The following SLC2A9 variants were observed in gnomAD, a reference collection of about 807,000 sequenced individuals.
The protein encoded by SLC2A9 is solute carrier family 2 member 9, also known as solute carrier family 2, facilitated glucose transporter member 9.
SLC2A9 carries 39 observed loss-of-function variants against 50.6 expected under a neutral mutation model. The observed-to-expected ratio is 0.77, with a 90% CI of 0.60 to 1.01. The LOEUF (loss-of-function observed/expected upper bound fraction) is 1.01, where lower values mean the gene tolerates loss of function less well. Ranked by LOEUF, SLC2A9 falls within the 50% of genes least tolerant of loss-of-function variation. The pLI, the probability that SLC2A9 is intolerant of heterozygous loss-of-function variation, is 0.00. For synonymous variants in SLC2A9, 324 were observed against 276.9 expected (o/e 1.17, Z -1.69); for missense variants, 686 against 677.6 (o/e 1.01, Z -0.14).
Position 9,986,451 on chromosome 4 carries a change from T to C in SLC2A9, c.411-658A>G, listed in dbSNP as rs74376712. 3.9e-5 allele frequency among the ~76,000 whole-genome samples: 6 copies of C among 152,282 alleles called. No homozygotes were observed. In the South Asian group the frequency reaches 6.2e-4, roughly 16 times the overall value. On this transcript the variant is annotated intron_variant, in intron 3 of 11. Coordinates refer to ENST00000264784, the MANE Select transcript of SLC2A9 (RefSeq NM_020041.3). ...AGCTAGTCTTTTCTCTCTCCTCTAG[T>C]GCCCCTATTGGCAAAGGACAAATGG...
chr4:9,975,543 C>T (rs1420867228), intron 5 of SLC2A9, among the ~76,000 whole-genome samples: 1 of 152,138 alleles, frequency 6.6e-6, no homozygotes, highest in African/African-American at 2.4e-5. Context: ...CAATCCAAAC[C>T]ACAATGAGAT....
intron 5 of SLC2A9, among the ~76,000 whole-genome samples, chr4:9,956,861 A>G (rs371648822): frequency 1.2e-4 from 18 of 152,336 alleles, no homozygotes; most frequent in African/African-American, 4.1e-4. Flanking sequence ...AAAGGTATTA[A>G]CCACAAGGAC....
intron 1 of SLC2A9, chr4:10,035,770 T>TTTG (rs1764085119): frequency 6.6e-6 from 1 of 152,182 alleles, no homozygotes; most frequent in Admixed American, 6.6e-5. Context: ...AAGGCATTTC[T>TTTG]TTTGTTTGTT....
intron 10 of SLC2A9, among the ~76,000 whole-genome samples, chr4:9,859,967 T>G (rs1045154526): frequency 6.6e-6 from 1 of 152,120 alleles, no homozygotes; most frequent in African/African-American, 2.4e-5. Context: ...CTCCTGAGGG[T>G]GTGGAGAGCA....
intron 6 of SLC2A9, among the ~76,000 whole-genome samples, chr4:9,936,230 G>A (rs1283058693): frequency 6.6e-6 from 1 of 152,188 alleles, no homozygotes; most frequent in East Asian, 1.9e-4. Flanking sequence ...CAGGATTCAT[G>A]CCTTTATAAA....
At chr4:9,819,744 G>C (rs571584716) in intron 3 of SLC2A9, among the ~76,000 whole-genome samples, 1 of 152,340 alleles carries the variant, frequency 6.6e-6, no homozygotes, top group East Asian at 1.9e-4. Context: ...GACCAGCCTG[G>C]CTAACATGGT....
chr4:9,844,352 A>G (rs1728609296), intron 10 of SLC2A9, among the ~76,000 whole-genome samples: 1 of 152,088 alleles, frequency 6.6e-6, no homozygotes, highest in Non-Finnish European at 1.5e-5. Context: ...TGATTAATTG[A>G]GTATTCTATG....
At chr4:10,008,899 G>GTT (rs1761260084) in intron 2 of SLC2A9, among the ~76,000 whole-genome samples, 1 of 134,782 alleles carries the variant, frequency 7.4e-6, no homozygotes, top group Non-Finnish European at 1.6e-5. Flanking sequence ...TCTGTGCGGT[G>GTT]GTTTTTTTTT....
rs745901421 is a variant in SLC2A9 at position 9,782,583 on chromosome 4, C to T, written n.386-2518G>A. ...CAGCTCAACTGGCACAGGGACCAGG[C>T]GGCCTCTTGGGGCGGGCTGGACCTG... On this transcript the variant is annotated intron_variant and non_coding_transcript_variant, in intron 3 of 3. Coordinates refer to the SLC2A9 transcript ENST00000503803. 3.7e-6 allele frequency: 6 copies of T among 1,613,940 alleles called. No individual in the cohort carries two copies. Among genetic ancestry groups the T allele is most frequent in the Admixed American group, 3.3e-5 (2 of 60,030 alleles).
In SLC2A9 at chr4:9,885,431, C is replaced by A. The variant is rs1736020482; in HGVS notation, c.1291+2136G>T. Among the ~76,000 whole-genome samples, 3 of 152,302 alleles carry A rather than the reference C, an allele frequency of 2.0e-5. No individual in the cohort carries two copies. The South Asian group carries it at 6.2e-4, about 32-fold the overall frequency. On this transcript the variant is annotated intron_variant, in intron 10 of 11. Transcript: ENST00000264784. ...CATATTTTTCTGATATCATTAAGCC[C>A]CAGCTGCCTCTTCCCTGGAGCTCAG...
At chr4:9,943,387 T>C (rs558427212) in intron 5 of SLC2A9, among the ~76,000 whole-genome samples, 1 of 152,312 alleles carries the variant, frequency 6.6e-6, no homozygotes, top group East Asian at 1.9e-4. Context: ...AGCCCTTCCA[T>C]CGCCCTTTGA....
At chr4:9,926,141 G>A (rs559379982) in intron 6 of SLC2A9, among the ~76,000 whole-genome samples, 3 of 152,216 alleles carry the variant, frequency 2.0e-5, no homozygotes, top group Admixed American at 6.5e-5. Context: ...AGTGCCCCCT[G>A]AGCAAGAGCC....
At position 9,926,935 on chromosome 4, in the gene SLC2A9, C is replaced by T. The variant is rs547451189; in HGVS notation, c.815-6363G>A. Among the ~76,000 whole-genome samples, 14 of 152,022 alleles carry T rather than the reference C, an allele frequency of 9.2e-5. No homozygotes were observed. In the South Asian group the frequency reaches 2.9e-3, roughly 32 times the overall value. ...GGGAGCACCAAGGACTGCTGGTCCCCGTCGGAAGCCAGAAGAGGGAGCATG... is the reference window on the plus strand; with the variant it reads ...GGGAGCACCAAGGACTGCTGGTCCCTGTCGGAAGCCAGAAGAGGGAGCATG... On this transcript the variant is annotated intron_variant, in intron 6 of 11. Coordinates refer to ENST00000264784, the MANE Select transcript of SLC2A9 (RefSeq NM_020041.3).
At chr4:9,861,758 G>C (rs983936958) in intron 10 of SLC2A9, among the ~76,000 whole-genome samples, 36 of 152,232 alleles carry the variant, frequency 2.4e-4, no homozygotes, top group African/African-American at 8.4e-4. Flanking sequence ...CTCATCCGGA[G>C]AGTCTTATTC....
At chr4:9,835,751 C>G (rs982719760) in intron 10 of SLC2A9, among the ~76,000 whole-genome samples, 2 of 152,056 alleles carry the variant, frequency 1.3e-5, no homozygotes, top group Non-Finnish European at 2.9e-5. Flanking sequence ...TGTTGTCACT[C>G]AAAAGTGAGA....
At chr4:10,027,000 C>T (rs564651276) in intron 1 of SLC2A9, among the ~76,000 whole-genome samples, 3 of 151,874 alleles carry the variant, frequency 2.0e-5, no homozygotes, top group East Asian at 1.9e-4. Flanking sequence ...GCTGAGATCT[C>T]GCCACTGCAC....
chr4:9,817,100 C>G (rs1723706618), intron 3 of SLC2A9, among the ~76,000 whole-genome samples: 1 of 152,154 alleles, frequency 6.6e-6, no homozygotes, highest in Admixed American at 6.5e-5. Flanking sequence ...TCTAGTATCA[C>G]TTCCTTTCTG....
chr4:10,032,843 A>C (rs971908702), intron 1 of SLC2A9, among the ~76,000 whole-genome samples: 9 of 152,232 alleles, frequency 5.9e-5, no homozygotes, highest in African/African-American at 1.2e-4. Flanking sequence ...CTTCAATGGC[A>C]TAGTGAGGTT....
intron 6 of SLC2A9, chr4:9,923,979 A>G (rs73225893): frequency 0.038 from 5,787 of 152,164 alleles, 172 homozygotes; most frequent in Non-Finnish European, 0.06. Flanking sequence ...ACAAGGGAGG[A>G]GCAAGCCGAG....
Sources: allele counts gnomAD v4.1 joint callset (sites outside exome capture counted in the v4.1 genomes callset), GRCh38; gene constraint gnomAD v4.1.1; transcripts MANE v1.5; gene names NCBI Gene and HGNC (gene_info 2026-07-23, HGNC 2026-07-21).